Variants in RBFOX1 observed in about 807,000 individuals in gnomAD.
RBFOX1 encodes the protein RNA binding fox-1 homolog 1, also known as RNA binding protein fox-1 homolog 1.
Under a neutral mutation model 57.7 loss-of-function variants are expected in RBFOX1, and 8 were observed. That is an observed-to-expected ratio of 0.14 (90% confidence interval 0.08 to 0.25). The LOEUF is 0.25. RBFOX1 is among the 10% of genes least tolerant of loss of function. The pLI is 1.00. For missense variants in RBFOX1, 611 were observed against 548.5 expected, an observed-to-expected ratio of 1.11 and a Z score of -1.14; for synonymous variants, 326 against 222.4, an observed-to-expected ratio of 1.47 and a Z score of -4.15.
chr16:5,902,667 C>T (rs896735227), intron 4 of RBFOX1, among the ~76,000 whole-genome samples: 16 of 152,264 alleles, frequency 1.1e-4, no homozygotes, highest in South Asian at 1.0e-3. Flanking sequence ...CTGCATACCT[C>T]GGCCTCCCAA....
rs760390213 is a variant in RBFOX1, at chr16:7,653,809, C to T, written c.758-6C>T. The T allele has an allele frequency of 1.7e-5, 27 of 1,608,004 alleles. No homozygotes were observed. The South Asian group carries it at 2.5e-4, about 15-fold the overall frequency. ...CTCTCTCTCTCTCTCTCCTCTTGCC[C>T]CGCAGTGCCAGGCTTCCCGTATCCA... On this transcript the variant is annotated splice_region_variant and splice_polypyrimidine_tract_variant and intron_variant, in intron 11 of 15. Transcript: ENST00000550418.
chr16:6,712,266 A>T (rs939067102), intron 3 of RBFOX1, among the ~76,000 whole-genome samples: 1 of 152,178 alleles, frequency 6.6e-6, no homozygotes, highest in African/African-American at 2.4e-5. Flanking sequence ...TTAAGTGTCA[A>T]TGCCATCAGT....
chr16:7,226,178 T>C (rs1047097062), intron 4 of RBFOX1, among the ~76,000 whole-genome samples: 8 of 152,136 alleles, frequency 5.3e-5, no homozygotes, highest in Non-Finnish European at 1.2e-4. Context: ...ATCCCAGGGA[T>C]AACTCTCAGG....
chr16:5,821,083 G>T (rs1469859226), intron 3 of RBFOX1, among the ~76,000 whole-genome samples: 1 of 151,938 alleles, frequency 6.6e-6, no homozygotes, highest in African/African-American at 2.4e-5. Flanking sequence ...TCCTACCAGG[G>T]TCTCTGCAGC....
intron 1 of RBFOX1, among the ~76,000 whole-genome samples, chr16:6,116,806 G>C (rs866445741): frequency 2.4e-4 from 37 of 152,142 alleles, no homozygotes; most frequent in African/African-American, 8.4e-4. Context: ...AGAGACATGG[G>C]ACAGCAGAGA....
At chr16:5,244,099 G>A (rs189353305) in intron 1 of RBFOX1, among the ~76,000 whole-genome samples, 112 of 152,192 alleles carry the variant, frequency 7.4e-4, no homozygotes, top group Middle Eastern at 3.4e-3. Context: ...GTTTCACCAC[G>A]TTGGCCAGGC....
intron 2 of RBFOX1, among the ~76,000 whole-genome samples, chr16:6,410,814 A>G (rs1362333170): frequency 1.3e-5 from 2 of 152,102 alleles, no homozygotes; most frequent in South Asian, 2.1e-4. Flanking sequence ...AAACAAACCT[A>G]CCTGGAAGTA....
At chr16:5,283,278 G>T (rs990750110) in intron 1 of RBFOX1, among the ~76,000 whole-genome samples, 1 of 152,352 alleles carries the variant, frequency 6.6e-6, no homozygotes, top group South Asian at 2.1e-4. Context: ...TACTAGGGCA[G>T]TGCGGAAGGG....
At chr16:6,797,973 G>T (rs922995753) in intron 3 of RBFOX1, among the ~76,000 whole-genome samples, 2 of 152,062 alleles carry the variant, frequency 1.3e-5, no homozygotes, top group Non-Finnish European at 2.9e-5. Flanking sequence ...CACGGTGATG[G>T]TGATAGCGGT....
intron 3 of RBFOX1, among the ~76,000 whole-genome samples, chr16:6,988,464 C>T (rs139444775): frequency 3.3e-5 from 5 of 152,116 alleles, no homozygotes; most frequent in East Asian, 1.9e-4. Context: ...TTTAAAAAGT[C>T]GATTGCCTGT....
chr16:6,360,347 TA>T (rs1379892211), intron 2 of RBFOX1, among the ~76,000 whole-genome samples: 2 of 152,188 alleles, frequency 1.3e-5, no homozygotes, highest in African/African-American at 4.8e-5. Context: ...GCTATATATT[TA>T]ATACTATTAT....
intron 6 of RBFOX1, among the ~76,000 whole-genome samples, chr16:7,581,136 C>T (rs533150537): frequency 2.0e-5 from 3 of 152,090 alleles, no homozygotes; most frequent in Admixed American, 1.3e-4. Flanking sequence ...AAAAGCAGAG[C>T]GAGCATCCTA....
intron 3 of RBFOX1, among the ~76,000 whole-genome samples, chr16:6,943,075 G>T (rs1217960988): frequency 3.3e-5 from 5 of 152,280 alleles, no homozygotes; most frequent in Admixed American, 6.5e-5. Flanking sequence ...AGATGCTGTT[G>T]GGATTCAGAG....
intron 1 of RBFOX1, among the ~76,000 whole-genome samples, chr16:6,182,455 A>G (rs572036493): frequency 3.5e-4 from 53 of 152,336 alleles, no homozygotes; most frequent in African/African-American, 1.2e-3. Context: ...ATAATCAAAC[A>G]GCTAATATGC....
At chr16:5,812,225 T>C (rs1476065522) in intron 3 of RBFOX1, among the ~76,000 whole-genome samples, 1 of 152,224 alleles carries the variant, frequency 6.6e-6, no homozygotes, top group African/African-American at 2.4e-5. Context: ...CAGGGTTTGG[T>C]CGTTACAAAT....
At chr16:6,710,465 C>T (rs1406532167) in intron 3 of RBFOX1, among the ~76,000 whole-genome samples, 3 of 152,044 alleles carry the variant, frequency 2.0e-5, no homozygotes, top group Non-Finnish European at 2.9e-5. Flanking sequence ...ATTTATTGTG[C>T]GTTTCATGCT....
chr16:6,026,678 A>G (rs1280344810), intron 1 of RBFOX1, among the ~76,000 whole-genome samples: 1 of 152,230 alleles, frequency 6.6e-6, no homozygotes, highest in Admixed American at 6.5e-5. Flanking sequence ...GTATTACTTT[A>G]TCGTTGTGTA....
At chr16:5,548,726 G>C (rs1055448463) in intron 2 of RBFOX1, among the ~76,000 whole-genome samples, 1 of 152,138 alleles carries the variant, frequency 6.6e-6, no homozygotes, top group Non-Finnish European at 1.5e-5. Context: ...ATATTTCACT[G>C]TCTTGAGTGA....
chr16:7,016,684 A>C (rs1213961059), intron 3 of RBFOX1, among the ~76,000 whole-genome samples: 2 of 152,214 alleles, frequency 1.3e-5, no homozygotes, highest in African/African-American at 4.8e-5. Context: ...ACTTGAAGTC[A>C]CATGTGACTG....
Sources: gnomAD v4.1 joint callset for allele counts (sites outside exome capture counted in the v4.1 genomes callset) on GRCh38, gnomAD v4.1.1 for gene constraint, MANE v1.5 for transcripts, NCBI Gene and HGNC (gene_info 2026-07-23, HGNC 2026-07-21) for gene names.